GLCCI1: variants seen among roughly 807,000 people sequenced by gnomAD.
GLCCI1 encodes glucocorticoid-induced transcript 1 protein.
GLCCI1 carries 24 observed loss-of-function variants against 52.2 expected under a neutral mutation model. That is an observed-to-expected ratio of 0.46 (90% CI 0.33 to 0.65). The LOEUF is 0.65. Among genes scored for constraint, GLCCI1 ranks in the 30% least tolerant of loss-of-function variants. GLCCI1 has a pLI of 0.02. For synonymous variants in GLCCI1, 310 were observed against 276.5 expected, an observed-to-expected ratio of 1.12 and a Z score of -1.20; for missense variants, 704 against 701.5, an observed-to-expected ratio of 1.00 and a Z score of -0.04.
chr7:8,046,482 A>C lies in GLCCI1; in HGVS notation c.697-8951A>C, dbSNP rs1782130310. Reference sequence around the variant, plus strand: ...CTTAAGTTTGATAAGAAACATTTACAGTCTATTCTCTCTGAAGCCTGCTAT... The same window carrying C: ...CTTAAGTTTGATAAGAAACATTTACCGTCTATTCTCTCTGAAGCCTGCTAT... On this transcript the variant is annotated intron_variant, in intron 3 of 7. Coordinates refer to ENST00000223145, the MANE Select transcript of GLCCI1 (RefSeq NM_138426.4). 2.0e-5 allele frequency among the ~76,000 whole-genome samples: 3 copies of C among 152,194 alleles called. No homozygotes were observed. In the South Asian group the frequency reaches 6.2e-4, roughly 31 times the overall value.
intron 3 of GLCCI1, among the ~76,000 whole-genome samples, chr7:8,054,276 A>C (rs1782334837): frequency 6.6e-6 from 1 of 152,154 alleles, no homozygotes; most frequent in Non-Finnish European, 1.5e-5. Flanking sequence ...TGTTCTCTGC[A>C]AGAAAATTAT....
chr7:8,031,841 G>A lies in GLCCI1; in HGVS notation c.696+9272G>A, dbSNP rs73674772. Among the ~76,000 whole-genome samples, 532 of 152,074 alleles carry A rather than the reference G, an allele frequency of 3.5e-3. 2 individuals carry two copies. Among genetic ancestry groups the A allele is most frequent in the African/African-American group, 0.012 (494 of 41,558 alleles). The stretch of plus-strand genomic sequence containing the variant: ...AGACTTTAATACAATAAAGATAACT[G>A]AAGAGAAATAGGAAAGTTTCATAAT... On this transcript the variant is annotated intron_variant, in intron 3 of 7. Coordinates refer to ENST00000223145, the MANE Select transcript of GLCCI1 (RefSeq NM_138426.4).
intron 3 of GLCCI1, among the ~76,000 whole-genome samples, chr7:8,029,742 G>C (rs147205808): frequency 1.9e-4 from 29 of 152,112 alleles, no homozygotes; most frequent in African/African-American, 6.7e-4. Context: ...ACAAAAATCA[G>C]TAGTGTTTCT....
At chr7:8,019,773 A>G (rs959347336) in intron 2 of GLCCI1, among the ~76,000 whole-genome samples, 3 of 152,214 alleles carry the variant, frequency 2.0e-5, no homozygotes, top group Non-Finnish European at 4.4e-5. Context: ...ATTTGTATAT[A>G]TAAACATAGA....
intron 3 of GLCCI1, among the ~76,000 whole-genome samples, chr7:8,054,919 AAT>A (rs1197158562): frequency 3.2e-4 from 49 of 151,688 alleles, no homozygotes; most frequent in South Asian, 6.2e-4. Context: ...TATATATAGT[AAT>A]ATATTAAATA....
intron 7 of GLCCI1, 51 bp downstream of exon 7, chr7:8,085,068 T>G (rs372164745): frequency 2.1e-5 from 33 of 1,603,694 alleles, no homozygotes; most frequent in Non-Finnish European, 2.7e-5. Flanking sequence ...GTAAAGCTTT[T>G]TACTGAGACC....
intron 6 of GLCCI1, among the ~76,000 whole-genome samples, chr7:8,082,449 C>T (rs900076635): frequency 1.3e-5 from 2 of 152,106 alleles, no homozygotes; most frequent in Non-Finnish European, 2.9e-5. Flanking sequence ...CTAGATGTCT[C>T]CATTCCCTGA....
intron 2 of GLCCI1, among the ~76,000 whole-genome samples, chr7:8,007,350 A>G (rs1299388368): frequency 6.6e-6 from 1 of 152,200 alleles, no homozygotes; most frequent in South Asian, 2.1e-4. Flanking sequence ...TACGTAGTAC[A>G]TCGTTATGTA....
At chr7:8,035,640 G>A (rs1266915093) in intron 3 of GLCCI1, among the ~76,000 whole-genome samples, 1 of 152,172 alleles carries the variant, frequency 6.6e-6, no homozygotes, top group Admixed American at 6.5e-5. Flanking sequence ...CTGAAGACAG[G>A]TTCTACACCA....
In GLCCI1 at chr7:8,088,232, G is replaced by C. The variant is rs908721407; in HGVS notation, c.*1694G>C. The C allele has an allele frequency of 3.7e-5, 4 of 107,002 alleles. No individual in the cohort carries two copies. The highest frequency in any genetic ancestry group is 7.6e-5 in the Non-Finnish European group (4 of 52,318). The allele number at this position is 107,002 out of a possible 1,614,324, so 6.6% of individuals were successfully genotyped here. ...TTTTTTTAAGAAATGATATATATAT[G>C]TATATGTTTGTGTGTGTGTGTGTGT... On this transcript the variant is annotated 3_prime_UTR_variant, in exon 8 of 8. Coordinates refer to ENST00000223145, the MANE Select transcript of GLCCI1 (RefSeq NM_138426.4).
chr7:7,975,129 A>G (rs1006143094), intron 1 of GLCCI1, among the ~76,000 whole-genome samples: 1 of 152,194 alleles, frequency 6.6e-6, no homozygotes, highest in Admixed American at 6.5e-5. Context: ...GAAAGTGACC[A>G]TAAGTTGACT....
chr7:8,013,518 G>C (rs1040497659), intron 2 of GLCCI1, among the ~76,000 whole-genome samples: 3 of 151,952 alleles, frequency 2.0e-5, no homozygotes, highest in African/African-American at 7.3e-5. Flanking sequence ...CTAGTCTTGC[G>C]TATTTATTTT....
At chr7:8,071,199 A>T in intron 6 of GLCCI1, 68 bp downstream of exon 6, 1 of 1,213,580 alleles carries the variant, frequency 8.2e-7, no homozygotes. Context: ...GTCTTAGACC[A>T]TTACATCTTT....
intron 1 of GLCCI1, chr7:7,981,960 C>T: frequency 2.4e-6 from 1 of 425,214 alleles, no homozygotes. Flanking sequence ...AGACTACATA[C>T]CAATCAAAAA....
chr7:8,010,740 A>G (rs1781247226), intron 2 of GLCCI1, among the ~76,000 whole-genome samples: 2 of 152,200 alleles, frequency 1.3e-5, no homozygotes, highest in Non-Finnish European at 2.9e-5. Flanking sequence ...CTACTTAAAA[A>G]AAGTATTATT....
rs1304065405 is a variant in GLCCI1 at position 8,068,079 on chromosome 7, C to T, written c.967-2842C>T. Among the ~76,000 whole-genome samples, 7 of 152,226 alleles carry T rather than the reference C, an allele frequency of 4.6e-5. No individual in the cohort carries two copies. In the East Asian group the frequency reaches 1.2e-3, roughly 25 times the overall value. On this transcript the variant is annotated intron_variant, in intron 5 of 7. Coordinates refer to ENST00000223145, the MANE Select transcript of GLCCI1 (RefSeq NM_138426.4). The stretch of plus-strand genomic sequence containing the variant: ...TTTTAAAAAAAATTTTGGCTAGGCA[C>T]GGTGGCTCATGCCTATAATCCTAGC...
chr7:7,972,323 ATG>A lies in GLCCI1; in HGVS notation c.457+2535_457+2536del, dbSNP rs140431128. On this transcript the variant is annotated intron_variant, in intron 1 of 7. Transcript: ENST00000223145. ...CTCCTTTTTCTGCACACTTCAGTGT[ATG>A]TGTGTGTGTGTGTGTGTGCGCGCAA... 1.5e-3 allele frequency among the ~76,000 whole-genome samples: 225 copies of A among 149,262 alleles called. 2 individuals carry two copies. Among genetic ancestry groups the A allele is most frequent in the Middle Eastern group, 0.014 (4 of 282 alleles).
intron 6 of GLCCI1, among the ~76,000 whole-genome samples, chr7:8,072,575 A>G (rs950897360): frequency 4.6e-5 from 7 of 152,218 alleles, no homozygotes; most frequent in African/African-American, 1.7e-4. Flanking sequence ...ATGTTTCACA[A>G]TAAAACATCT....
intron 6 of GLCCI1, among the ~76,000 whole-genome samples, chr7:8,072,946 G>C (rs1782795417): frequency 6.6e-6 from 1 of 152,146 alleles, no homozygotes; most frequent in Non-Finnish European, 1.5e-5. Flanking sequence ...GGGCCTCCCA[G>C]TGAATAGTGG....
Sources: allele counts gnomAD v4.1 joint callset (sites outside exome capture counted in the v4.1 genomes callset), GRCh38; gene constraint gnomAD v4.1.1; transcripts MANE v1.5; gene names NCBI Gene and HGNC (gene_info 2026-07-23, HGNC 2026-07-21).